Variants in DLGAP2 observed in about 807,000 individuals in gnomAD.
DLGAP2 encodes disks large-associated protein 2.
DLGAP2 carries 26 observed loss-of-function variants against 100.3 expected under a neutral mutation model. The ratio of observed to expected loss-of-function variants is 0.26; its 90% CI spans 0.19 to 0.36. The LOEUF is 0.36. Ranked by LOEUF, DLGAP2 falls within the 10% of genes least tolerant of loss-of-function variation. The pLI, the probability that DLGAP2 is intolerant of heterozygous loss-of-function variation, is 1.00. For synonymous variants in DLGAP2, 886 were observed against 630.1 expected, an observed-to-expected ratio of 1.41 and a Z score of -6.08; for missense variants, 1,858 against 1,453.2, an observed-to-expected ratio of 1.28 and a Z score of -4.53.
intron 2 of DLGAP2, among the ~76,000 whole-genome samples, chr8:1,171,401 G>T (rs370146872): frequency 1.3e-5 from 2 of 152,112 alleles, no homozygotes; most frequent in African/African-American, 4.8e-5. Context: ...TATTAGGTCC[G>T]CTTGGCGCAG....
chr8:1,483,213 G>A (rs1368541536), intron 3 of DLGAP2, among the ~76,000 whole-genome samples: 2 of 152,266 alleles, frequency 1.3e-5, no homozygotes, highest in East Asian at 1.9e-4. Context: ...CAGGGAGTCC[G>A]TACTTTGTGG....
chr8:1,193,916 T>G (rs1049651429), intron 2 of DLGAP2, among the ~76,000 whole-genome samples: 8 of 152,152 alleles, frequency 5.3e-5, no homozygotes, highest in Admixed American at 1.3e-4. Flanking sequence ...GAGGAGCCGC[T>G]GGAGGGACGT....
intron 2 of DLGAP2, among the ~76,000 whole-genome samples, chr8:949,566 G>T (rs1490154880): frequency 6.6e-6 from 1 of 152,198 alleles, no homozygotes; most frequent in Non-Finnish European, 1.5e-5. Flanking sequence ...GACCCCACAC[G>T]TGGGCGCGTG....
At chr8:1,325,865 C>T (rs986736231) in intron 3 of DLGAP2, among the ~76,000 whole-genome samples, 1 of 152,168 alleles carries the variant, frequency 6.6e-6, no homozygotes, top group African/African-American at 2.4e-5. Flanking sequence ...GCTTTCCAGC[C>T]ACAGTCTTCT....
chr8:892,490 G>A (rs1428472884), intron 1 of DLGAP2, among the ~76,000 whole-genome samples: 1 of 152,172 alleles, frequency 6.6e-6, no homozygotes, highest in Non-Finnish European at 1.5e-5. Context: ...AATGCCCCTG[G>A]GGCTGCAGAT....
chr8:1,149,457 C>G (rs191026790), intron 2 of DLGAP2, among the ~76,000 whole-genome samples: 1 of 152,270 alleles, frequency 6.6e-6, no homozygotes, highest in East Asian at 1.9e-4. Flanking sequence ...TGAAATTACC[C>G]TCTTTATCTC....
At chr8:1,112,605 A>C (rs1026309117) in intron 2 of DLGAP2, among the ~76,000 whole-genome samples, 1 of 152,128 alleles carries the variant, frequency 6.6e-6, no homozygotes, top group African/African-American at 2.4e-5. Flanking sequence ...CCTTATAGAT[A>C]CTGGATATGA....
At chr8:1,201,847 G>A (rs950458185) in intron 2 of DLGAP2, among the ~76,000 whole-genome samples, 2 of 151,946 alleles carry the variant, frequency 1.3e-5, no homozygotes, top group South Asian at 2.1e-4. Flanking sequence ...ACACATGTGT[G>A]TATGTGTACG....
At chr8:1,619,251 G>A (rs1797252970) in intron 6 of DLGAP2, among the ~76,000 whole-genome samples, 1 of 152,306 alleles carries the variant, frequency 6.6e-6, no homozygotes. Context: ...TCCAGGAGGT[G>A]AAAGTGAAAA....
chr8:1,150,183 T>G (rs1796673636), intron 2 of DLGAP2, among the ~76,000 whole-genome samples: 1 of 152,222 alleles, frequency 6.6e-6, no homozygotes, highest in African/African-American at 2.4e-5. Context: ...ATTCTCTCAA[T>G]TTTTGTTTGC....
At chr8:1,451,030 T>A (rs1184024284) in intron 3 of DLGAP2, among the ~76,000 whole-genome samples, 4 of 152,104 alleles carry the variant, frequency 2.6e-5, no homozygotes, top group Non-Finnish European at 5.9e-5. Context: ...CATCACTGGC[T>A]CACTTGGCAG....
chr8:1,114,368 A>G (rs896438894), intron 2 of DLGAP2, among the ~76,000 whole-genome samples: 3 of 152,040 alleles, frequency 2.0e-5, no homozygotes, highest in African/African-American at 7.3e-5. Context: ...TACTGATTCA[A>G]TTTCAGAGCT....
intron 2 of DLGAP2, among the ~76,000 whole-genome samples, chr8:974,938 A>G (rs1041332427): frequency 2.0e-5 from 3 of 152,196 alleles, no homozygotes; most frequent in Non-Finnish European, 4.4e-5. Context: ...ATTGGTATAG[A>G]AACTTAAGCC....
chr8:1,410,205 C>G (rs1796688305), intron 3 of DLGAP2, among the ~76,000 whole-genome samples: 2 of 152,156 alleles, frequency 1.3e-5, no homozygotes, highest in Non-Finnish European at 2.9e-5. Context: ...CCCAGATCAT[C>G]TGGGAGTGGT....
intron 1 of DLGAP2, among the ~76,000 whole-genome samples, chr8:807,267 T>G (rs1796288262): frequency 6.7e-6 from 1 of 149,266 alleles, no homozygotes; most frequent in Non-Finnish European, 1.5e-5. Flanking sequence ...ATACGTTCTC[T>G]CTCCTCTTTT....
chr8:1,532,012 G>A (rs71516195), intron 4 of DLGAP2, among the ~76,000 whole-genome samples: 17,859 of 152,214 alleles, frequency 0.12, 1,331 homozygotes, highest in Non-Finnish European at 0.16. Flanking sequence ...CACTGGTTCC[G>A]TCCAGAGGGG....
intron 3 of DLGAP2, among the ~76,000 whole-genome samples, chr8:1,378,308 GCACACCTGACTTCACCTGTCTGTCCTGCA>G (rs1796009425): frequency 1.7e-5 from 2 of 115,096 alleles, no homozygotes; most frequent in African/African-American, 3.4e-5. Context: ...CCTGTCCTGC[GCACACCTGACTTCACCTGTCTGTCCTGCA>G]CACACCTGAC....
chr8:1,434,508 A>C (rs766065216), intron 3 of DLGAP2, among the ~76,000 whole-genome samples: 1 of 151,374 alleles, frequency 6.6e-6, no homozygotes, highest in Non-Finnish European at 1.5e-5. Flanking sequence ...ACAGTGTCTC[A>C]CTCTGTTTCC....
intron 6 of DLGAP2, among the ~76,000 whole-genome samples, chr8:1,592,257 CG>C (rs1193800956): frequency 1.3e-5 from 2 of 152,180 alleles, no homozygotes; most frequent in African/African-American, 4.8e-5. Context: ...ACGCCCCCAT[CG>C]GCTGTTTCTT....
Sources: allele counts gnomAD v4.1 joint callset (sites outside exome capture counted in the v4.1 genomes callset), GRCh38; gene constraint gnomAD v4.1.1; transcripts MANE v1.5; gene names NCBI Gene and HGNC (gene_info 2026-07-23, HGNC 2026-07-21).